ZNF236: variants seen among roughly 807,000 people sequenced by gnomAD.
ZNF236 encodes the protein zinc finger protein 236.
Under a neutral mutation model 191.2 loss-of-function variants are expected in ZNF236, and 50 were observed. The ratio of observed to expected loss-of-function variants is 0.26; its 90% CI spans 0.21 to 0.33. ZNF236 has a LOEUF of 0.33. ZNF236 is among the 10% of genes least tolerant of loss of function. ZNF236 has a pLI of 1.00. For missense variants in ZNF236, 1,754 were observed against 2,374.5 expected (o/e 0.74, Z 5.43); for synonymous variants, 907 against 928.8 (o/e 0.98, Z 0.43).
intron 1 of ZNF236, among the ~76,000 whole-genome samples, chr18:76,843,305 A>G (rs1022852003): frequency 2.6e-5 from 4 of 152,192 alleles, no homozygotes; most frequent in African/African-American, 9.7e-5. Flanking sequence ...TCTATTTCCA[A>G]ATATTTAATG....
chr18:76,881,200 C>G, intron 8 of ZNF236, 84 bp from the exon 9 acceptor site: 6 of 1,176,352 alleles, frequency 5.1e-6, no homozygotes, highest in Non-Finnish European at 7.2e-6. Flanking sequence ...AATTAGAATT[C>G]TATAGGTAAA....
chr18:76,865,453 A>C (rs1332243381), intron 3 of ZNF236, among the ~76,000 whole-genome samples: 1 of 152,256 alleles, frequency 6.6e-6, no homozygotes, highest in Non-Finnish European at 1.5e-5. Context: ...GCAGGTAGAG[A>C]GTTCAACTAG....
intron 9 of ZNF236, among the ~76,000 whole-genome samples, chr18:76,890,627 A>C (rs761379638): frequency 6.6e-6 from 1 of 152,178 alleles, no homozygotes; most frequent in Admixed American, 6.5e-5. Context: ...TACTCATCCA[A>C]TGGGTTAGAA....
intron 1 of ZNF236, among the ~76,000 whole-genome samples, chr18:76,838,157 CAT>C (rs1001901393): frequency 5.9e-5 from 9 of 152,162 alleles, no homozygotes; most frequent in Admixed American, 2.6e-4. Context: ...GGGGTTAAAA[CAT>C]ATGGAGTGAA....
chr18:76,864,044 T>A (rs898338032), intron 3 of ZNF236, among the ~76,000 whole-genome samples: 1 of 152,182 alleles, frequency 6.6e-6, no homozygotes, highest in East Asian at 1.9e-4. Context: ...ATGAAAAGAC[T>A]GACTTCCCCA....
At chr18:76,876,133 C>T (rs1976706021) in intron 6 of ZNF236, among the ~76,000 whole-genome samples, 1 of 152,218 alleles carries the variant, frequency 6.6e-6, no homozygotes, top group Admixed American at 6.5e-5. Flanking sequence ...TTCCATGCTG[C>T]TTGTCCAGTC....
At chr18:76,939,993 T>C (rs370208362) in intron 26 of ZNF236, among the ~76,000 whole-genome samples, 13 of 125,818 alleles carry the variant, frequency 1.0e-4, no homozygotes, top group South Asian at 2.8e-4. Flanking sequence ...CACGGTGGGC[T>C]ACCCTAGCAC....
At chr18:76,837,133 C>CG (rs1975356710) in intron 1 of ZNF236, among the ~76,000 whole-genome samples, 1 of 96,236 alleles carries the variant, frequency 1.0e-5, no homozygotes, top group Non-Finnish European at 2.0e-5. Flanking sequence ...CCCCTCCCCC[C>CG]CCCCCCGCCC....
At chr18:76,843,994 T>G (rs1334112592) in intron 1 of ZNF236, among the ~76,000 whole-genome samples, 1 of 151,856 alleles carries the variant, frequency 6.6e-6, no homozygotes, top group East Asian at 1.9e-4. Context: ...GTCTCACGCC[T>G]GTAATCCCAG....
Position 76,959,832 on chromosome 18 carries a change from G to C in ZNF236, c.5242+16G>C. On this transcript the variant is annotated intron_variant, in intron 29 of 30. Transcript: ENST00000320610. ...ATACATACAGGTAACGGGGAAGGAC[G>C]TGCTTTTGTTTCCTTACTCTTTGAA... The C allele has an allele frequency of 8.1e-6, 13 of 1,611,008 alleles. No homozygotes were observed. The highest frequency in any genetic ancestry group is 1.0e-5 in the Non-Finnish European group (12 of 1,178,294).
chr18:76,832,582 T>C (rs1975204213), intron 1 of ZNF236, among the ~76,000 whole-genome samples: 1 of 152,106 alleles, frequency 6.6e-6, no homozygotes, highest in Non-Finnish European at 1.5e-5. Flanking sequence ...GTTTTTTTTT[T>C]TGTTGTTGTT....
In ZNF236 at chr18:76,837,137, C is replaced by G. The variant is rs911410622; in HGVS notation, c.56-12389C>G. 2.0e-4 allele frequency among the ~76,000 whole-genome samples: 23 copies of G among 116,818 alleles called. 2 individuals are homozygous for G. The highest frequency in any genetic ancestry group is 2.4e-4 in the Non-Finnish European group (13 of 54,088). The allele number at this position is 116,818 out of a possible 152,430, so 76.6% of individuals were successfully genotyped here. On this transcript the variant is annotated intron_variant, in intron 1 of 30. Transcript: ENST00000320610. ...GTGATCCGCACCCCCTCCCCCCCCC[C>G]CCGCCCCGCAAGCCTCCCAAAGTGC...
intron 9 of ZNF236, among the ~76,000 whole-genome samples, chr18:76,884,488 CT>C: frequency 6.6e-6 from 1 of 152,084 alleles, no homozygotes; most frequent in South Asian, 2.1e-4. Flanking sequence ...TGATGATTGA[CT>C]CCTTTAAGGA....
In ZNF236 at chr18:76,875,304, G is replaced by A. The variant is rs754602897; in HGVS notation, c.668-188G>A. Among the ~76,000 whole-genome samples the A allele has an allele frequency of 2.6e-5, 4 of 152,126 alleles. No homozygotes were observed. The highest frequency in any genetic ancestry group is 4.4e-5 in the Non-Finnish European group (3 of 68,030). The stretch of plus-strand genomic sequence containing the variant: ...CCACAGGTGGAGCAGTTTGCGAGAT[G>A]GTCAAGTGCAGTTTTGACATGTTAA... On this transcript the variant is annotated intron_variant, in intron 5 of 30. Coordinates refer to ENST00000320610, the MANE Select transcript of ZNF236 (RefSeq NM_001306089.2). This position sits in a 1 kb window ranked among gnomAD's most constrained non-coding sequence, Gnocchi z 4.3.
At chr18:76,905,540 CTCA>C in intron 13 of ZNF236, 125 bp downstream of exon 13, 1 of 377,010 alleles carries the variant, frequency 2.7e-6, no homozygotes, top group Non-Finnish European at 4.3e-6. Flanking sequence ...ACTATATGGG[CTCA>C]AGAAAAAAAA....
At chr18:76,823,323 C>G (rs946074714) in intron 1 of ZNF236, among the ~76,000 whole-genome samples, 22 of 147,616 alleles carry the variant, frequency 1.5e-4, no homozygotes, top group Non-Finnish European at 6.0e-5. Flanking sequence ...GATCCGGGAA[C>G]TTGAACCCTG....
intron 3 of ZNF236, among the ~76,000 whole-genome samples, chr18:76,862,005 A>C (rs1976248572): frequency 1.3e-5 from 2 of 152,260 alleles, no homozygotes; most frequent in Middle Eastern, 3.4e-3. Context: ...CTGGGACGAC[A>C]GGCGCCCGTC....
intron 26 of ZNF236, among the ~76,000 whole-genome samples, chr18:76,939,710 T>C (rs1025522512): frequency 6.6e-5 from 10 of 152,246 alleles, no homozygotes; most frequent in Admixed American, 6.5e-4. Flanking sequence ...TCCGGTTGTC[T>C]TGTAAAGCCT....
At chr18:76,866,319 G>A (rs1976401394) in intron 3 of ZNF236, among the ~76,000 whole-genome samples, 1 of 152,126 alleles carries the variant, frequency 6.6e-6, no homozygotes, top group Non-Finnish European at 1.5e-5. Flanking sequence ...TGGGTTTGGG[G>A]TTTATTTTGT....
Sources: gnomAD v4.1 joint callset for allele counts (sites outside exome capture counted in the v4.1 genomes callset) on GRCh38, gnomAD v4.1.1 for gene constraint, Gnocchi (gnomAD v3.1) non-coding constraint, MANE v1.5 for transcripts, NCBI Gene and HGNC (gene_info 2026-07-23, HGNC 2026-07-21) for gene names.